The following SYNPR variants were observed in gnomAD, a reference collection of about 807,000 sequenced individuals.
The protein encoded by SYNPR is synaptoporin.
Under a neutral mutation model 32.9 loss-of-function variants are expected in SYNPR, and 23 were observed. That is an observed-to-expected ratio of 0.70 (90% CI 0.50 to 0.99). SYNPR has a LOEUF of 0.99. Ranked by LOEUF, SYNPR falls within the 50% of genes least tolerant of loss-of-function variation. The pLI, the probability that SYNPR is intolerant of heterozygous loss-of-function variation, is 0.00. For synonymous variants in SYNPR, 146 were observed against 135.9 expected (o/e 1.07, Z -0.52); for missense variants, 318 against 349.3 (o/e 0.91, Z 0.71).
At chr3:63,232,192 CTTTTT>C (rs57078088) in intron 1 of SYNPR, among the ~76,000 whole-genome samples, 10 of 59,536 alleles carry the variant, frequency 1.7e-4, no homozygotes, top group East Asian at 8.5e-4. Context: ...CAGATTCTGA[CTTTTT>C]TTTTTTTTTT....
At position 63,595,937 on chromosome 3, in the gene SYNPR, TTATATATATAGTTTTATA is replaced by T. The variant is rs1287142596; in HGVS notation, c.409-13181_409-13164del. ...TATATAGTTTTATATATATATAGTT[TTATATATATAGTTTTATA>T]TATATAGTTTTATATATAGTTTTAT... On this transcript the variant is annotated intron_variant, in intron 4 of 5. Transcript: ENST00000478300. Among the ~76,000 whole-genome samples, 428 of 72,436 alleles carry T rather than the reference TTATATATATAGTTTTATA, an allele frequency of 5.9e-3. 11 individuals carry two copies. Among genetic ancestry groups the T allele is most frequent in the African/African-American group, 0.02 (397 of 19,588 alleles). 47.5% of individuals were successfully genotyped at this position (72,436 alleles called of 152,430 possible).
At chr3:63,497,810 G>A (rs572107787) in intron 3 of SYNPR, among the ~76,000 whole-genome samples, 1 of 152,258 alleles carries the variant, frequency 6.6e-6, no homozygotes, top group South Asian at 2.1e-4. Flanking sequence ...TGTTGTGCAA[G>A]ACTAAATGAA....
chr3:63,285,942 C>T (rs546823214), intron 2 of SYNPR, among the ~76,000 whole-genome samples: 7 of 152,220 alleles, frequency 4.6e-5, no homozygotes, highest in Admixed American at 1.3e-4. Context: ...ATGATGATAA[C>T]GATGCCAGCG....
intron 3 of SYNPR, among the ~76,000 whole-genome samples, chr3:63,502,464 T>C (rs1396087753): frequency 6.6e-6 from 1 of 152,112 alleles, no homozygotes; most frequent in Admixed American, 6.6e-5. Flanking sequence ...CGGGTTTGAG[T>C]AAATGTACAA....
At chr3:63,301,273 T>C (rs1003994886) in intron 2 of SYNPR, among the ~76,000 whole-genome samples, 1 of 152,162 alleles carries the variant, frequency 6.6e-6, no homozygotes, top group African/African-American at 2.4e-5. Flanking sequence ...AGGTATAAAA[T>C]GCGTTCAGCG....
At chr3:63,281,209 C>A (rs140975819) in intron 2 of SYNPR, among the ~76,000 whole-genome samples, 1 of 152,194 alleles carries the variant, frequency 6.6e-6, no homozygotes, top group South Asian at 2.1e-4. Flanking sequence ...CCTTTCATAG[C>A]GCTTGGTTAA....
At chr3:63,337,010 T>C (rs1168650880) in intron 2 of SYNPR, among the ~76,000 whole-genome samples, 1 of 152,032 alleles carries the variant, frequency 6.6e-6, no homozygotes, top group African/African-American at 2.4e-5. Context: ...GGTGGGCAGA[T>C]CACTTGAGGT....
At chr3:63,545,869 C>G (rs1344311851) in intron 3 of SYNPR, among the ~76,000 whole-genome samples, 2 of 152,096 alleles carry the variant, frequency 1.3e-5, no homozygotes, top group Non-Finnish European at 2.9e-5. Flanking sequence ...ATTTCTGCCA[C>G]CTTCCTGTAT....
intron 2 of SYNPR, among the ~76,000 whole-genome samples, chr3:63,480,591 G>T (rs551841573): frequency 6.6e-6 from 1 of 152,124 alleles, no homozygotes; most frequent in African/African-American, 2.4e-5. Flanking sequence ...AGCTATTTTG[G>T]CTTTGTCTTT....
the SYNPR span, among the ~76,000 whole-genome samples, chr3:63,222,277 G>T: frequency 6.6e-6 from 1 of 151,940 alleles, no homozygotes; most frequent in East Asian, 1.9e-4. Context: ...ATAAATGACA[G>T]AACCTAAGAA....
At chr3:63,262,154 T>C (rs548067785) in intron 2 of SYNPR, among the ~76,000 whole-genome samples, 2 of 152,144 alleles carry the variant, frequency 1.3e-5, no homozygotes, top group South Asian at 2.1e-4. Context: ...CTAAGTTTTC[T>C]AGAATGCAAA....
chr3:63,244,157 C>T (rs2086268141), intron 1 of SYNPR, among the ~76,000 whole-genome samples: 1 of 152,108 alleles, frequency 6.6e-6, no homozygotes, highest in South Asian at 2.1e-4. Flanking sequence ...GCAAGGTCAC[C>T]TGATGGGCTT....
At chr3:63,400,912 C>T (rs2088281748) in intron 2 of SYNPR, among the ~76,000 whole-genome samples, 1 of 152,118 alleles carries the variant, frequency 6.6e-6, no homozygotes, top group Non-Finnish European at 1.5e-5. Flanking sequence ...TATAGCAACA[C>T]AGAATGGCTT....
At chr3:63,274,074 C>T (rs2086556666), upstream of SYNPR, among the ~76,000 whole-genome samples, 1 of 152,234 alleles carries the variant, frequency 6.6e-6, no homozygotes, top group African/African-American at 2.4e-5. Context: ...AGGTTAGCAG[C>T]ATGAGCAGAG....
chr3:63,365,366 G>A (rs1179750201), intron 2 of SYNPR, among the ~76,000 whole-genome samples: 1 of 152,142 alleles, frequency 6.6e-6, no homozygotes, highest in African/African-American at 2.4e-5. Flanking sequence ...CGTGGGGGTG[G>A]GTTGTGGTGG....
At chr3:63,355,983 G>A (rs895648885) in intron 2 of SYNPR, among the ~76,000 whole-genome samples, 3 of 152,190 alleles carry the variant, frequency 2.0e-5, no homozygotes, top group African/African-American at 4.8e-5. Flanking sequence ...TTCTCTGCCT[G>A]TGATCTTCTC....
intron 2 of SYNPR, among the ~76,000 whole-genome samples, chr3:63,360,390 T>C (rs531297350): frequency 2.6e-4 from 40 of 152,272 alleles, no homozygotes; most frequent in African/African-American, 9.4e-4. Flanking sequence ...TTTTCTCTTC[T>C]CCCTGTTTCA....
chr3:63,375,555 A>T (rs1160076583), intron 2 of SYNPR, among the ~76,000 whole-genome samples: 1 of 151,948 alleles, frequency 6.6e-6, no homozygotes, highest in African/African-American at 2.4e-5. Flanking sequence ...GGAACATCAC[A>T]CACTGGGGCC....
chr3:63,482,814 A>G (rs79628955), intron 3 of SYNPR, among the ~76,000 whole-genome samples: 3,500 of 152,304 alleles, frequency 0.023, 139 homozygotes, highest in African/African-American at 0.079. Context: ...ACCATTATCC[A>G]TGTACATATT....
Sources: gnomAD v4.1 joint callset for allele counts (sites outside exome capture counted in the v4.1 genomes callset) on GRCh38, gnomAD v4.1.1 for gene constraint, MANE v1.5 for transcripts, NCBI Gene and HGNC (gene_info 2026-07-23, HGNC 2026-07-21) for gene names.